Variants in CPED1 observed in about 807,000 individuals in gnomAD.
The protein encoded by CPED1 is cadherin-like and PC-esterase domain-containing protein 1.
CPED1 carries 114 observed loss-of-function variants against 128.2 expected under a neutral mutation model. The observed-to-expected ratio is 0.89, with a 90% confidence interval of 0.76 to 1.04. The LOEUF (loss-of-function observed/expected upper bound fraction) is 1.04. CPED1 is among the 50% of genes least tolerant of loss of function. CPED1 has a pLI of 0.00. For synonymous variants in CPED1, 462 were observed against 426.7 expected (o/e 1.08, Z -1.02); for missense variants, 1,211 against 1,207.1 (o/e 1.00, Z -0.05).
intron 3 of CPED1, among the ~76,000 whole-genome samples, chr7:121,028,110 C>T (rs962770667): frequency 2.1e-4 from 32 of 152,052 alleles, no homozygotes; most frequent in African/African-American, 7.2e-4. Flanking sequence ...ATTTGGCATG[C>T]GTCAGTGTTC....
At chr7:121,042,828 C>T (rs1793092990) in intron 3 of CPED1, among the ~76,000 whole-genome samples, 1 of 152,174 alleles carries the variant, frequency 6.6e-6, no homozygotes, top group Admixed American at 6.5e-5. Context: ...ACTTCTACTA[C>T]TAATTTATTT....
At chr7:121,036,237 T>G (rs1244205778) in intron 3 of CPED1, among the ~76,000 whole-genome samples, 1 of 152,086 alleles carries the variant, frequency 6.6e-6, no homozygotes, top group Non-Finnish European at 1.5e-5. Flanking sequence ...AAGCAGTGTA[T>G]ACTGTACCCA....
At chr7:121,078,123 G>A (rs954908990) in intron 5 of CPED1, among the ~76,000 whole-genome samples, 1 of 150,370 alleles carries the variant, frequency 6.7e-6, no homozygotes, top group Admixed American at 6.6e-5. Flanking sequence ...TCCTGTCATT[G>A]CAATCTCCAC....
At chr7:121,255,213 A>C (rs1798775394) in intron 18 of CPED1, among the ~76,000 whole-genome samples, 1 of 151,982 alleles carries the variant, frequency 6.6e-6, no homozygotes, top group South Asian at 2.1e-4. Context: ...AATACACTAC[A>C]ACCAAGTAGG....
At chr7:121,077,061 C>A (rs1794145344) in intron 5 of CPED1, among the ~76,000 whole-genome samples, 1 of 152,060 alleles carries the variant, frequency 6.6e-6, no homozygotes, top group Admixed American at 6.5e-5. Context: ...CCTGGAGACT[C>A]CTGCTTGACA....
In CPED1 at chr7:121,266,929, A is replaced by G. The variant is rs959299642; in HGVS notation, c.2633+121A>G. On this transcript the variant is annotated intron_variant, in intron 20 of 22. Coordinates refer to ENST00000310396, the MANE Select transcript of CPED1 (RefSeq NM_024913.5). ...ACTTATAATTTATCATTAAGTACTT[A>G]AAGTCTAGTTTAAAATAATAAAGTA... The G allele has an allele frequency of 1.4e-5, 10 of 720,720 alleles. No individual in the cohort carries two copies. In the Admixed American group the frequency reaches 2.5e-4, roughly 18 times the overall value. The allele number at this position is 720,720 out of a possible 1,614,324, so 44.6% of individuals were successfully genotyped here. A position where few individuals can be genotyped will look rare whatever the true frequency, so the allele number is the denominator to read the frequency against.
chr7:121,031,738 CTA>C (rs1792740462), intron 3 of CPED1, among the ~76,000 whole-genome samples: 1 of 152,038 alleles, frequency 6.6e-6, no homozygotes. Context: ...CACAAAATGT[CTA>C]TTTTTAATAA....
intron 16 of CPED1, among the ~76,000 whole-genome samples, chr7:121,218,652 A>G (rs1797813083): frequency 6.6e-6 from 1 of 151,992 alleles, no homozygotes; most frequent in Admixed American, 6.6e-5. Context: ...TGGGAGTTGA[A>G]CAATGAGAAC....
intron 5 of CPED1, among the ~76,000 whole-genome samples, chr7:121,097,431 A>G (rs1308237880): frequency 6.6e-6 from 1 of 152,148 alleles, no homozygotes; most frequent in Non-Finnish European, 1.5e-5. Flanking sequence ...AGTTAGAGAC[A>G]TTGTATCTAC....
At chr7:121,117,386 C>G (rs1280297855) in intron 7 of CPED1, among the ~76,000 whole-genome samples, 2 of 151,966 alleles carry the variant, frequency 1.3e-5, no homozygotes, top group Non-Finnish European at 2.9e-5. Flanking sequence ...CAGGCATGAG[C>G]CACCACACCT....
In CPED1 at chr7:121,119,946, C is replaced by T. The variant is rs535665595; in HGVS notation, c.919-4385C>T. The stretch of plus-strand genomic sequence containing the variant: ...TTCATGACTGGATTATTTCACTTAG[C>T]GAATATTGTCAAGGGTCATTCATGT... On this transcript the variant is annotated intron_variant, in intron 7 of 22. Transcript: ENST00000310396. Among the ~76,000 whole-genome samples the T allele has an allele frequency of 3.3e-5, 5 of 152,200 alleles. No individual in the cohort carries two copies. The East Asian group carries it at 7.7e-4, about 24-fold the overall frequency.
At position 121,097,782 on chromosome 7, in the gene CPED1, A is replaced by G; in HGVS notation, c.700A>G (p.Thr234Ala). ...GAGTACTTCGAGTCACCTTTTAAAA[A>G]CAGTGAAGCCACGTGTGTGGAAACC... ...KPSTSSHLLK[T>A]VKPRVWKPGD... Residue 234 changes from threonine to alanine, a missense_variant, in exon 6 of 23, where the codon ACA (threonine) becomes GCA (alanine). Physicochemically the swap from Thr to Ala is moderately conservative, Grantham distance 58 (BLOSUM62 0). Transcript: ENST00000310396. 1 of 1,613,870 alleles carries G rather than the reference A, an allele frequency of 6.2e-7. No individual in the cohort carries two copies. The highest frequency in any genetic ancestry group is 1.7e-4 in the Middle Eastern group (1 of 6,056).
chr7:121,154,505 A>G (rs1243165697), intron 16 of CPED1, among the ~76,000 whole-genome samples: 1 of 151,700 alleles, frequency 6.6e-6, no homozygotes, highest in African/African-American at 2.4e-5. Flanking sequence ...ATCACAAAAT[A>G]TGTTGAATTT....
intron 18 of CPED1, among the ~76,000 whole-genome samples, chr7:121,258,450 A>G (rs10225165): frequency 0.42 from 63,158 of 152,026 alleles, 13,579 homozygotes; most frequent in Middle Eastern, 0.52. Flanking sequence ...AAAATTGCCT[A>G]GGCAGAGTGG....
chr7:121,111,411 C>A (rs992063337), intron 7 of CPED1, among the ~76,000 whole-genome samples: 1 of 152,144 alleles, frequency 6.6e-6, no homozygotes, highest in Non-Finnish European at 1.5e-5. Context: ...GCTCCAGGTA[C>A]CCATTGCTAT....
At chr7:121,065,611 A>G (rs1037392228) in intron 5 of CPED1, among the ~76,000 whole-genome samples, 1 of 152,142 alleles carries the variant, frequency 6.6e-6, no homozygotes, top group African/African-American at 2.4e-5. Context: ...GAATAAAATC[A>G]TAGAAATGAA....
In CPED1 at chr7:121,277,410, A is replaced by G. The variant is rs113511556; in HGVS notation, c.2868+5980A>G. 9.9e-3 allele frequency among the ~76,000 whole-genome samples: 1,501 copies of G among 152,234 alleles called. 20 individuals carry two copies. Among genetic ancestry groups the G allele is most frequent in the African/African-American group, 0.035 (1,439 of 41,550 alleles). ...AGATGGCACAGGGAGTCATCAGAAAATAGGTTGTAGTTGAAACCATGAAAA... is the reference window on the plus strand; with the variant it reads ...AGATGGCACAGGGAGTCATCAGAAAGTAGGTTGTAGTTGAAACCATGAAAA... On this transcript the variant is annotated intron_variant, in intron 22 of 22. Transcript: ENST00000310396.
At chr7:121,133,962 C>T (rs1795731207) in intron 13 of CPED1, 69 bp downstream of exon 13, 2 of 840,174 alleles carry the variant, frequency 2.4e-6, no homozygotes, top group Non-Finnish European at 3.8e-6. Context: ...AAATGCAAAA[C>T]TATTTAGCTT....
chr7:121,189,938 A>G (rs1039739625), intron 16 of CPED1, among the ~76,000 whole-genome samples: 1 of 151,476 alleles, frequency 6.6e-6, no homozygotes, highest in Admixed American at 6.6e-5. Context: ...ATCAGGTACT[A>G]TTATAGACAC....
Sources: allele counts gnomAD v4.1 joint callset (sites outside exome capture counted in the v4.1 genomes callset), GRCh38; gene constraint gnomAD v4.1.1; transcripts MANE v1.5; gene names NCBI Gene and HGNC (gene_info 2026-07-23, HGNC 2026-07-21).